The following ANKRD62 variants were observed in gnomAD, a reference collection of about 807,000 sequenced individuals.
ANKRD62 encodes ankyrin repeat domain-containing protein 62.
In ANKRD62, 61 loss-of-function variants were observed where a neutral mutation model predicts 98.8. The observed-to-expected ratio is 0.62, with a 90% CI of 0.50 to 0.76. ANKRD62 has a LOEUF of 0.76. Among genes scored for constraint, ANKRD62 ranks in the 30% least tolerant of loss-of-function variants. The pLI, the probability that ANKRD62 is intolerant of heterozygous loss-of-function variation, is 0.00. For synonymous variants in ANKRD62, 341 were observed against 367.9 expected (o/e 0.93, Z 0.84); for missense variants, 933 against 1,082.9 (o/e 0.86, Z 1.94).
chr18:12,104,250 A>T (rs1909367775), intron 7 of ANKRD62, among the ~76,000 whole-genome samples: 1 of 152,166 alleles, frequency 6.6e-6, no homozygotes, highest in Non-Finnish European at 1.5e-5. Context: ...GCTTATGCAA[A>T]CTATTTTTCA....
At chr18:12,170,736 A>T in the ANKRD62 span, among the ~76,000 whole-genome samples, 1 of 152,168 alleles carries the variant, frequency 6.6e-6, no homozygotes, top group East Asian at 1.9e-4. Context: ...GGTGTGTTAA[A>T]GTCTCCCATT....
the ANKRD62 span, among the ~76,000 whole-genome samples, chr18:12,161,954 A>T: frequency 2.0e-5 from 3 of 152,120 alleles, no homozygotes; most frequent in Admixed American, 6.5e-5. Context: ...TTGCTTCCAC[A>T]TCTTGGCTAT....
chr18:12,167,824 T>C, the ANKRD62 span, among the ~76,000 whole-genome samples: 1 of 152,238 alleles, frequency 6.6e-6, no homozygotes. Flanking sequence ...ATTGCCATTC[T>C]AACTGGTGTG....
downstream of ANKRD62, among the ~76,000 whole-genome samples, chr18:12,132,682 T>TA (rs1157711903): frequency 2.0e-5 from 3 of 152,152 alleles, no homozygotes; most frequent in African/African-American, 4.8e-5. Flanking sequence ...GTTATTTTTT[T>TA]AATGAAAAAT....
chr18:12,156,049 CTCTCTCTCTT>C, the ANKRD62 span, among the ~76,000 whole-genome samples: 1 of 151,764 alleles, frequency 6.6e-6, no homozygotes, highest in Non-Finnish European at 1.5e-5. Context: ...TACCTTCTCT[CTCTCTCTCTT>C]TCTCTCTCTC....
the ANKRD62 span, among the ~76,000 whole-genome samples, chr18:12,150,122 G>A: frequency 1.2e-4 from 19 of 152,184 alleles, no homozygotes; most frequent in African/African-American, 3.1e-4. Context: ...GAGGCCTGAC[G>A]GAGTTGAGTA....
chr18:12,126,311 G>A lies in ANKRD62; in HGVS notation c.2490G>A (p.Lys830=). ...AECRKLEENN[K]GLMKECTLLK... The stretch of plus-strand genomic sequence containing the variant: ...GTAGAAAGCTAGAAGAGAACAATAA[G>A]GGGTTGATGAAGGAATGCACTCTTT... Residue 830 remains lysine (K), a synonymous_variant, in exon 13 of 14, where the codon AAG becomes AAA. Coordinates refer to ENST00000587848, the MANE Select transcript of ANKRD62 (RefSeq NM_001277333.2). 1 of 1,533,776 alleles carries A rather than the reference G, an allele frequency of 6.5e-7. No homozygotes were observed. The highest frequency in any genetic ancestry group is 8.7e-7 in the Non-Finnish European group (1 of 1,146,214).
chr18:12,126,269 A>C lies in ANKRD62; in HGVS notation c.2448A>C (p.Glu816Asp). The change falls in exon 13 of 14, where the codon GAA becomes GAC. Residue 816 changes from glutamate to aspartate, a missense_variant. By Grantham distance (45) the Glu-to-Asp change is conservative (BLOSUM62 2). This residue lies in a region of ANKRD62 where 362 missense variants were observed against 434.5 expected (regional missense o/e 0.83). Coordinates refer to ENST00000587848, the MANE Select transcript of ANKRD62 (RefSeq NM_001277333.2). ...AAGTCAAATGTGAAGATACTGTAGA[A>C]AAACTTCAAGCTGAGTGTAGAAAGC... is the stretch of plus-strand genomic sequence containing the variant. ...NIQVKCEDTV[E>D]KLQAECRKLE... 2 of 1,536,068 alleles carry C rather than the reference A, an allele frequency of 1.3e-6. No individual in the cohort carries two copies. The highest frequency in any genetic ancestry group is 1.7e-6 in the Non-Finnish European group (2 of 1,146,820).
intron 10 of ANKRD62, among the ~76,000 whole-genome samples, chr18:12,121,894 G>A (rs891176350): frequency 7.9e-5 from 12 of 152,176 alleles, no homozygotes; most frequent in African/African-American, 2.9e-4. Flanking sequence ...GCTCCAGCAC[G>A]TGCCGCAGAC....
the ANKRD62 span, among the ~76,000 whole-genome samples, chr18:12,139,437 G>C: frequency 6.6e-6 from 1 of 152,092 alleles, no homozygotes; most frequent in Non-Finnish European, 1.5e-5. Context: ...GAGGTCAGGA[G>C]ATCGAGACCA....
At chr18:12,145,812 T>C in the ANKRD62 span, among the ~76,000 whole-genome samples, 2 of 150,170 alleles carry the variant, frequency 1.3e-5, no homozygotes, top group African/African-American at 2.5e-5. Flanking sequence ...AGCAGAGCTG[T>C]TCTACAAAAA....
chr18:12,094,812 GGGGGTAGAGTTGGGTGA>G (rs1909143755), intron 1 of ANKRD62, among the ~76,000 whole-genome samples: 3 of 116,164 alleles, frequency 2.6e-5, no homozygotes, highest in Non-Finnish European at 5.5e-5. Context: ...GACTGTGGTG[GGGGGTAGAGTTGGGTGA>G]GGGACTGTGG....
chr18:12,158,086 A>G, the ANKRD62 span, among the ~76,000 whole-genome samples: 2 of 152,164 alleles, frequency 1.3e-5, no homozygotes, highest in Non-Finnish European at 2.9e-5. Context: ...TCCTCATCTC[A>G]GGCCACAAGA....
the ANKRD62 span, among the ~76,000 whole-genome samples, chr18:12,164,633 CT>C: frequency 6.6e-6 from 1 of 151,856 alleles, no homozygotes; most frequent in Non-Finnish European, 1.5e-5. Context: ...CTATAAACTT[CT>C]CTCTAGTACT....
chr18:12,172,402 G>A, the ANKRD62 span, among the ~76,000 whole-genome samples: 1 of 152,172 alleles, frequency 6.6e-6, no homozygotes, highest in Non-Finnish European at 1.5e-5. Context: ...GTTTGCTGGA[G>A]GTCCACTCCA....
At chr18:12,127,137 A>G (rs1909909004) in intron 13 of ANKRD62, among the ~76,000 whole-genome samples, 1 of 152,202 alleles carries the variant, frequency 6.6e-6, no homozygotes, top group Non-Finnish European at 1.5e-5. Flanking sequence ...ATATAAGGTT[A>G]TCCGGTACAA....
chr18:12,152,396 T>C, the ANKRD62 span, among the ~76,000 whole-genome samples: 1 of 152,170 alleles, frequency 6.6e-6, no homozygotes, highest in Non-Finnish European at 1.5e-5. Context: ...CACGATCAAG[T>C]AGGCTTCATC....
At chr18:12,133,669 G>C (rs2143941748), downstream of ANKRD62, among the ~76,000 whole-genome samples, 1 of 152,150 alleles carries the variant, frequency 6.6e-6, no homozygotes, top group Admixed American at 6.5e-5. Flanking sequence ...CATTGTCTAT[G>C]TTCTTAGATG....
the ANKRD62 span, among the ~76,000 whole-genome samples, chr18:12,172,219 CT>C: frequency 1.3e-5 from 2 of 152,192 alleles, no homozygotes; most frequent in Non-Finnish European, 1.5e-5. Flanking sequence ...AAGAGGCACT[CT>C]GATTTTTAGA....
Sources: allele counts gnomAD v4.1 joint callset (sites outside exome capture counted in the v4.1 genomes callset), GRCh38; gene constraint gnomAD v4.1.1; regional missense constraint gnomAD v4.1.1; transcripts MANE v1.5; gene names NCBI Gene and HGNC (gene_info 2026-07-23, HGNC 2026-07-21).